RHBDF2: variants seen among roughly 807,000 people sequenced by gnomAD.
The protein encoded by RHBDF2 is rhomboid 5 homolog 2.
RHBDF2 carries 38 observed loss-of-function variants against 95.2 expected under a neutral mutation model. That is an observed-to-expected ratio of 0.40 (90% confidence interval 0.31 to 0.52). RHBDF2 has a LOEUF of 0.52. Ranked by LOEUF, RHBDF2 falls within the 20% of genes least tolerant of loss-of-function variation. The pLI, the probability that RHBDF2 is intolerant of heterozygous loss-of-function variation, is 0.56. For synonymous variants in RHBDF2, 442 were observed against 462.0 expected, an observed-to-expected ratio of 0.96 and a Z score of 0.55; for missense variants, 863 against 1,137.7, an observed-to-expected ratio of 0.76 and a Z score of 3.47.
intron 2 of RHBDF2, among the ~76,000 whole-genome samples, chr17:76,484,064 C>T (rs1383947953): frequency 6.6e-6 from 1 of 152,068 alleles, no homozygotes; most frequent in African/African-American, 2.4e-5. Flanking sequence ...GAGTTCGAGA[C>T]CAGCATGACC....
At chr17:76,495,660 G>A (rs994334762) in intron 1 of RHBDF2, among the ~76,000 whole-genome samples, 22 of 152,142 alleles carry the variant, frequency 1.4e-4, no homozygotes, top group Non-Finnish European at 2.4e-4. Flanking sequence ...GACTGGCTGG[G>A]TGTGAGCATG....
chr17:76,495,882 A>G (rs888196526), intron 1 of RHBDF2, among the ~76,000 whole-genome samples: 8 of 152,200 alleles, frequency 5.3e-5, no homozygotes, highest in Admixed American at 3.3e-4. Flanking sequence ...TTCCCAGGGA[A>G]GAGGCTGGCC....
At position 76,472,990 on chromosome 17, in the gene RHBDF2, T is replaced by C. The variant is rs761007582; in HGVS notation, c.1910+15A>G. 6.2e-7 allele frequency: 1 copy of C among 1,611,616 alleles called. No individual in the cohort carries two copies. Among genetic ancestry groups the C allele is most frequent in the East Asian group, 2.2e-5 (1 of 44,862 alleles). ...TCACAGGGGTCGGGTTCGGGGGCAG[T>C]GAGGAGCCTCTTACCCAGCATGTAG... On this transcript the variant is annotated intron_variant, in intron 17 of 18. Transcript: ENST00000675367.
At position 76,474,091 on chromosome 17, in the gene RHBDF2, C is replaced by A; in HGVS notation, c.1516G>T (p.Asp506Tyr). 1.9e-6 allele frequency: 3 copies of A among 1,608,854 alleles called. No homozygotes were observed. The highest frequency in any genetic ancestry group is 1.1e-5 in the South Asian group (1 of 90,674). ...CGCTTCTGGCCCAGATCAGACTTGTCCATGGGGGGCCCAGTGTCATCCTGC... is the reference window on the plus strand; with the variant it reads ...CGCTTCTGGCCCAGATCAGACTTGTACATGGGGGGCCCAGTGTCATCCTGC... ...KWQDDTGPPM[D>Y]KSDLGQKRTS... The change falls in exon 13 of 19, where the codon GAC (aspartate) becomes TAC (tyrosine). Residue 506 changes from aspartate (D) to tyrosine (Y), a missense_variant. By Grantham distance (160) the Asp-to-Tyr change is radical. Transcript: ENST00000675367.
chr17:76,477,278 A>G lies in RHBDF2; in HGVS notation c.822T>C (p.Pro274=), dbSNP rs2073804305. 1 of 1,611,756 alleles carries G rather than the reference A, an allele frequency of 6.2e-7. No homozygotes were observed. Residue 274 remains proline (P), a synonymous_variant, in exon 8 of 19, where the codon CCT becomes CCC. Coordinates refer to ENST00000675367, the MANE Select transcript of RHBDF2 (RefSeq NM_001005498.4). ...GTGGGGGGGACTCAAAGACATCATC[A>G]GGCATGGAGCTCATTTCTTCCTGGG... The part of the protein sequence containing the change: ...FFSKEEMSSM[P]DDVFESPPLS...
intron 1 of RHBDF2, among the ~76,000 whole-genome samples, chr17:76,493,780 A>G (rs2074367124): frequency 6.6e-6 from 1 of 152,270 alleles, no homozygotes; most frequent in South Asian, 2.1e-4. Context: ...ACAGCTGCTG[A>G]TGGAGAGAAA....
chr17:76,490,130 AC>A (rs2074259793), intron 1 of RHBDF2, among the ~76,000 whole-genome samples: 1 of 152,094 alleles, frequency 6.6e-6, no homozygotes. Flanking sequence ...ATGTTCCTTG[AC>A]CCCCTGCATA....
rs1465932368 is a variant in RHBDF2, at chr17:76,478,897, G to A, written c.581C>T (p.Thr194Ile). The A allele has an allele frequency of 6.2e-7, 1 of 1,611,844 alleles. No homozygotes were observed. The highest frequency in any genetic ancestry group is 8.5e-7 in the Non-Finnish European group (1 of 1,178,882). Residue 194 changes from threonine (T) to isoleucine (I), a missense_variant, in exon 6 of 19, where the codon ACC becomes ATC. Thr to Ile is a moderately conservative substitution (Grantham distance 89). Transcript: ENST00000675367. ...TPGVLSLTSF[T>I]SVRSGYSHLP... ...GTGGGAGTAGCCAGAACGGACACTGGTGAAGGAGGTGAGGGACAGGACTCC... is the reference window on the plus strand; with the variant it reads ...GTGGGAGTAGCCAGAACGGACACTGATGAAGGAGGTGAGGGACAGGACTCC...
At chr17:76,495,087 G>A (rs1359037276) in intron 1 of RHBDF2, among the ~76,000 whole-genome samples, 2 of 152,166 alleles carry the variant, frequency 1.3e-5, no homozygotes, top group Non-Finnish European at 1.5e-5. Context: ...ACACAGGCTC[G>A]GTGGGAACTG....
intron 6 of RHBDF2, among the ~76,000 whole-genome samples, chr17:76,478,265 C>T (rs2073835223): frequency 6.6e-6 from 1 of 152,256 alleles, no homozygotes. Context: ...AAGCACTGTA[C>T]TTCCTCTGGG....
intron 1 of RHBDF2, among the ~76,000 whole-genome samples, chr17:76,500,206 G>C (rs1250810668): frequency 1.3e-5 from 2 of 152,086 alleles, no homozygotes; most frequent in Non-Finnish European, 2.9e-5. Flanking sequence ...ATAATTCCTC[G>C]TTATGTGGGC....
chr17:76,489,323 C>T (rs1047019533), intron 1 of RHBDF2, among the ~76,000 whole-genome samples: 1 of 110,534 alleles, frequency 9.0e-6, no homozygotes, highest in Non-Finnish European at 2.0e-5. Context: ...AGGGGCATTC[C>T]TGTTTTTTTT....
chr17:76,476,706 C>T (rs541320163), intron 9 of RHBDF2, 124 bp downstream of exon 9: 2 of 1,397,676 alleles, frequency 1.4e-6, no homozygotes, highest in Admixed American at 2.6e-5. Flanking sequence ...CTTGTCACTA[C>T]ACTCCTGATC....
chr17:76,498,267 T>A (rs571049778), intron 1 of RHBDF2, among the ~76,000 whole-genome samples: 6 of 152,238 alleles, frequency 3.9e-5, no homozygotes, highest in African/African-American at 1.2e-4. Flanking sequence ...CCAGCCTGGC[T>A]CAGCTGGATA....
In RHBDF2 at chr17:76,471,975, CT is replaced by C; in HGVS notation, c.2141del (p.Glu714GlyfsTer174). On this transcript the variant is annotated frameshift_variant, in exon 19 of 19. Transcript: ENST00000675367. LOFTEE classifies it high-confidence loss of function. The part of the protein sequence containing the change: ...VELFQSWPLL[E>X]RPWKAFLNLS... ...GGTTGAGGAAGGCCTTCCAGGGCCT[CT>C]CCAGCAGCGGCCAGCTCTGGAAGAG... is the stretch of plus-strand genomic sequence containing the variant. 1 of 1,574,008 alleles carries C rather than the reference CT, an allele frequency of 6.4e-7. No homozygotes were observed. Among genetic ancestry groups the C allele is most frequent in the Non-Finnish European group, 8.6e-7 (1 of 1,159,582 alleles).
chr17:76,473,466 A>G, intron 15 of RHBDF2, 139 bp from the exon 16 acceptor site: 1 of 978,464 alleles, frequency 1.0e-6, no homozygotes, highest in South Asian at 1.5e-5. Flanking sequence ...TCGACTCTGG[A>G]GCAAGCTTCC....
In RHBDF2 at chr17:76,477,708, C is replaced by T. The variant is rs2073818650; in HGVS notation, c.750G>A (p.Glu250=). The T allele has an allele frequency of 1.2e-6, 2 of 1,614,114 alleles. No individual in the cohort carries two copies. The highest frequency in any genetic ancestry group is 1.7e-4 in the Middle Eastern group (1 of 6,060). The change falls in exon 7 of 19, where the codon GAG becomes GAA. Residue 250 remains glutamate, a synonymous_variant. Coordinates refer to ENST00000675367, the MANE Select transcript of RHBDF2 (RefSeq NM_001005498.4). ...KRSFAFPSFL[E]EDVVDGADTF... ...TGTCTGCCCCATCGACCACATCCTCCTCCAGGAAGCTCGGGAAGGCAAAGC... is the reference window on the plus strand; with the variant it reads ...TGTCTGCCCCATCGACCACATCCTCTTCCAGGAAGCTCGGGAAGGCAAAGC...
chr17:76,472,321 C>T (rs1598647922), intron 18 of RHBDF2, among the ~76,000 whole-genome samples: 2 of 152,300 alleles, frequency 1.3e-5, no homozygotes, highest in South Asian at 2.1e-4. Flanking sequence ...AGGCCGCACA[C>T]GGTGGGGAGA....
rs1355600511 is a variant in RHBDF2, at chr17:76,476,928, G to C, written c.1017C>G (p.His339Gln). The C allele has an allele frequency of 8.7e-6, 14 of 1,613,914 alleles. No homozygotes were observed. The highest frequency in any genetic ancestry group is 3.3e-5 in the Admixed American group (2 of 60,034). ...KHFAFDRKKRHYGLGVVGNWL... is the reference protein window; with the variant it reads ...KHFAFDRKKRQYGLGVVGNWL... ...AGTTGCCCACCACGCCGAGGCCGTAGTGCCGCTTCTTCCGATCAAAGGCAA... is the reference window on the plus strand; with the variant it reads ...AGTTGCCCACCACGCCGAGGCCGTACTGCCGCTTCTTCCGATCAAAGGCAA... The change falls in exon 9 of 19, where the codon CAC becomes CAG. Residue 339 changes from histidine (H) to glutamine (Q), a missense_variant. His to Gln is a conservative substitution (Grantham distance 24). Transcript: ENST00000675367.
Sources: gnomAD v4.1 joint callset for allele counts (sites outside exome capture counted in the v4.1 genomes callset) on GRCh38, gnomAD v4.1.1 for gene constraint, MANE v1.5 for transcripts, NCBI Gene and HGNC (gene_info 2026-07-23, HGNC 2026-07-21) for gene names.